The following TENM3 variants were observed in gnomAD, a reference collection of about 807,000 sequenced individuals.
TENM3 encodes the protein teneurin transmembrane protein 3.
TENM3 carries 63 observed loss-of-function variants against 255.1 expected under a neutral mutation model. That is an observed-to-expected ratio of 0.25 (90% CI 0.20 to 0.30). The LOEUF (loss-of-function observed/expected upper bound fraction) is 0.30, where lower values mean the gene tolerates loss of function less well. Ranked by LOEUF, TENM3 falls within the 10% of genes least tolerant of loss-of-function variation. The probability of loss-of-function intolerance (pLI) is 1.00; values close to 1 mark genes in which losing one functional copy is unlikely to be tolerated. For synonymous variants in TENM3, 1,306 were observed against 1,322.3 expected (o/e 0.99, Z 0.27); for missense variants, 2,929 against 3,461.1 (o/e 0.85, Z 3.86).
At chr4:181,858,859 C>T in the TENM3 span, among the ~76,000 whole-genome samples, 2 of 152,092 alleles carry the variant, frequency 1.3e-5, no homozygotes, top group African/African-American at 4.8e-5. Context: ...GGGCTTAATG[C>T]CTGGCCAAGG....
the TENM3 span, among the ~76,000 whole-genome samples, chr4:181,524,722 G>A: frequency 4.6e-5 from 7 of 152,100 alleles, no homozygotes; most frequent in African/African-American, 9.7e-5. Flanking sequence ...CCATTAATCC[G>A]TTCTGTTTTG....
the TENM3 span, among the ~76,000 whole-genome samples, chr4:181,961,976 C>A: frequency 0.17 from 26,562 of 151,936 alleles, 2,860 homozygotes; most frequent in East Asian, 0.29. Context: ...TACACTAAGA[C>A]CCAAAACAGG....
chr4:182,742,415 C>T (rs577908510), intron 18 of TENM3, among the ~76,000 whole-genome samples: 6 of 152,034 alleles, frequency 3.9e-5, no homozygotes, highest in East Asian at 1.9e-4. Flanking sequence ...TTGTTATGTT[C>T]GACATTTTGA....
the TENM3 span, among the ~76,000 whole-genome samples, chr4:181,580,206 C>T: frequency 2.6e-5 from 4 of 152,000 alleles, no homozygotes; most frequent in African/African-American, 9.7e-5. Flanking sequence ...CCATGTTGCT[C>T]AGGCTGGGCT....
intron 3 of TENM3, among the ~76,000 whole-genome samples, chr4:182,459,064 TGTTATTATA>T (rs1580622675): frequency 6.6e-6 from 1 of 152,242 alleles, no homozygotes; most frequent in East Asian, 1.9e-4. Context: ...AAATAGTTCT[TGTTATTATA>T]GGCATTCCTC....
chr4:181,461,535 T>C, the TENM3 span, among the ~76,000 whole-genome samples: 1 of 152,170 alleles, frequency 6.6e-6, no homozygotes, highest in African/African-American at 2.4e-5. Context: ...ACGTCATTGA[T>C]GCTCTGCTGA....
At position 182,799,971 on chromosome 4, in the gene TENM3, G is replaced by C. The variant is rs1436481667; in HGVS notation, c.7720G>C (p.Gly2574Arg). Residue 2574 changes from glycine to arginine, a missense_variant, in exon 28 of 28, where the codon GGC (glycine) becomes CGC (arginine). This residue lies in a region of TENM3 where 476 missense variants were observed against 480.1 expected (regional missense o/e 0.99). Transcript: ENST00000511685. This position sits in a 1 kb window ranked among gnomAD's most constrained non-coding sequence, Gnocchi z 4.2. ...LTSGRKALEN[G>R]INVTVSQSTT... ...CAGCGGCCGCAAGGCGCTGGAGAAC[G>C]GCATCAACGTGACGGTGTCGCAGTC... is the stretch of plus-strand genomic sequence containing the variant. 3.8e-6 allele frequency: 6 copies of C among 1,591,878 alleles called. No individual in the cohort carries two copies. The highest frequency in any genetic ancestry group is 1.8e-5 in the Admixed American group (1 of 56,568).
chr4:182,016,898 CA>C, the TENM3 span, among the ~76,000 whole-genome samples: 111 of 151,988 alleles, frequency 7.3e-4, no homozygotes, highest in Non-Finnish European at 1.3e-3. Flanking sequence ...ATAAATGAAA[CA>C]ATTCAAAATA....
chr4:182,740,180 C>T (rs1761493854), intron 18 of TENM3, among the ~76,000 whole-genome samples: 2 of 152,228 alleles, frequency 1.3e-5, no homozygotes, highest in African/African-American at 4.8e-5. Flanking sequence ...AAGCTCTACA[C>T]CCCTTCCAGT....
chr4:181,868,910 A>G, the TENM3 span, among the ~76,000 whole-genome samples: 1 of 152,116 alleles, frequency 6.6e-6, no homozygotes, highest in African/African-American at 2.4e-5. Context: ...GATTCCTGCT[A>G]ATTTTTAGGC....
intron 4 of TENM3, among the ~76,000 whole-genome samples, chr4:182,614,968 T>C (rs1233988426): frequency 1.3e-5 from 2 of 150,206 alleles, no homozygotes; most frequent in African/African-American, 4.9e-5. Flanking sequence ...ATCATCTTAA[T>C]TGTCACTACT....
intron 13 of TENM3, among the ~76,000 whole-genome samples, chr4:182,728,332 A>G (rs758807600): frequency 1.6e-4 from 24 of 152,232 alleles, no homozygotes; most frequent in Non-Finnish European, 2.6e-4. Flanking sequence ...TCTCTAAAAT[A>G]TAGAATATTT....
At chr4:182,759,857 G>A (rs1313544198) in intron 22 of TENM3, among the ~76,000 whole-genome samples, 3 of 152,078 alleles carry the variant, frequency 2.0e-5, no homozygotes, top group Non-Finnish European at 2.9e-5. Context: ...GCTTCTTGGC[G>A]GCAGTTTCTC....
At chr4:181,985,019 C>T in the TENM3 span, among the ~76,000 whole-genome samples, 1 of 151,972 alleles carries the variant, frequency 6.6e-6, no homozygotes, top group East Asian at 1.9e-4. Flanking sequence ...AATGGGAAGA[C>T]ATCAGATACA....
At chr4:182,069,496 T>A in the TENM3 span, among the ~76,000 whole-genome samples, 1 of 152,158 alleles carries the variant, frequency 6.6e-6, no homozygotes, top group Non-Finnish European at 1.5e-5. Context: ...TGATGCTTCC[T>A]TGTTGGGCCC....
chr4:182,071,069 C>G, the TENM3 span, among the ~76,000 whole-genome samples: 1 of 150,424 alleles, frequency 6.6e-6, no homozygotes, highest in South Asian at 2.1e-4. Flanking sequence ...TTGAATTAAG[C>G]AAAGTGTTGG....
the TENM3 span, among the ~76,000 whole-genome samples, chr4:181,716,768 A>G: frequency 1.3e-5 from 2 of 152,198 alleles, no homozygotes; most frequent in Non-Finnish European, 2.9e-5. Context: ...TAACTTATGT[A>G]TGCAGAGTTT....
the TENM3 span, among the ~76,000 whole-genome samples, chr4:181,503,896 G>T: frequency 1.3e-5 from 2 of 152,276 alleles, no homozygotes; most frequent in Middle Eastern, 3.4e-3. Flanking sequence ...AGGCTCCTTA[G>T]AAACCACCCC....
At chr4:181,514,408 C>T in the TENM3 span, among the ~76,000 whole-genome samples, 1 of 152,154 alleles carries the variant, frequency 6.6e-6, no homozygotes, top group African/African-American at 2.4e-5. Flanking sequence ...TTTTCTTCAA[C>T]TCAGTCTAAT....
Sources: gnomAD v4.1 joint callset for allele counts (sites outside exome capture counted in the v4.1 genomes callset) on GRCh38, gnomAD v4.1.1 for gene constraint, gnomAD v4.1.1 regional missense constraint, Gnocchi (gnomAD v3.1) non-coding constraint, MANE v1.5 for transcripts, NCBI Gene and HGNC (gene_info 2026-07-23, HGNC 2026-07-21) for gene names.